MACROD2: variants seen among roughly 807,000 people sequenced by gnomAD.
MACROD2 encodes mono-ADP ribosylhydrolase 2.
MACROD2 carries 36 observed loss-of-function variants against 70.4 expected under a neutral mutation model. The ratio of observed to expected loss-of-function variants is 0.51; its 90% CI spans 0.39 to 0.68. The LOEUF is 0.68. Ranked by LOEUF, MACROD2 falls within the 30% of genes least tolerant of loss-of-function variation. The probability of loss-of-function intolerance (pLI) is 0.00; values close to 1 mark genes in which losing one functional copy is unlikely to be tolerated. For synonymous variants in MACROD2, 172 were observed against 178.8 expected, an observed-to-expected ratio of 0.96 and a Z score of 0.30; for missense variants, 496 against 538.4, an observed-to-expected ratio of 0.92 and a Z score of 0.78.
chr20:15,276,789 A>T (rs2077397486), intron 6 of MACROD2, among the ~76,000 whole-genome samples: 1 of 152,376 alleles, frequency 6.6e-6, no homozygotes, highest in South Asian at 2.1e-4. Context: ...AGAAGAGGTG[A>T]TGGAAGACAA....
chr20:14,532,282 A>G (rs1445339021), intron 4 of MACROD2, among the ~76,000 whole-genome samples: 1 of 147,666 alleles, frequency 6.8e-6, no homozygotes, highest in African/African-American at 2.5e-5. Flanking sequence ...GCAATGGCGC[A>G]ATCTCGGCTC....
At chr20:15,119,301 GCTT>G (rs1371966155) in intron 5 of MACROD2, among the ~76,000 whole-genome samples, 4 of 152,090 alleles carry the variant, frequency 2.6e-5, no homozygotes, top group African/African-American at 9.7e-5. Context: ...GTTTTTGTCA[GCTT>G]CTTCTGCTTT....
At chr20:15,838,665 C>G (rs1156986205) in intron 8 of MACROD2, among the ~76,000 whole-genome samples, 1 of 152,132 alleles carries the variant, frequency 6.6e-6, no homozygotes, top group Non-Finnish European at 1.5e-5. Flanking sequence ...CGGTAGAGCA[C>G]AGCTAGATTT....
chr20:15,307,405 A>T (rs1182036649), intron 6 of MACROD2, among the ~76,000 whole-genome samples: 2 of 152,170 alleles, frequency 1.3e-5, no homozygotes, highest in African/African-American at 4.8e-5. Flanking sequence ...AGTGCAAATA[A>T]TTCCCATTTC....
chr20:14,993,421 A>G (rs2074923254), intron 5 of MACROD2, among the ~76,000 whole-genome samples: 1 of 152,132 alleles, frequency 6.6e-6, no homozygotes, highest in African/African-American at 2.4e-5. Context: ...ATATGAGAAT[A>G]TACATTCTCT....
In MACROD2 at chr20:14,017,667, C is replaced by T. The variant is rs995491524; in HGVS notation, c.163+15263C>T. ...TCTGGGAGTAAATCACACTTGGTCA[C>T]GTTGTGTATTCCTTTTAAGATGCTG... On this transcript the variant is annotated intron_variant, in intron 2 of 17. Coordinates refer to ENST00000684519, the MANE Select transcript of MACROD2 (RefSeq NM_001351661.2). Among the ~76,000 whole-genome samples the T allele has an allele frequency of 5.3e-5, 8 of 152,004 alleles. No individual in the cohort carries two copies. In the South Asian group the frequency reaches 6.2e-4, roughly 12 times the overall value.
chr20:14,680,146 G>T (rs755049883), intron 4 of MACROD2, among the ~76,000 whole-genome samples: 1 of 152,138 alleles, frequency 6.6e-6, no homozygotes, highest in Non-Finnish European at 1.5e-5. Context: ...GAATTAAGGA[G>T]GAGATGCCAG....
intron 8 of MACROD2, among the ~76,000 whole-genome samples, chr20:15,741,960 C>CT (rs1045891322): frequency 7.2e-4 from 109 of 152,194 alleles, no homozygotes; most frequent in African/African-American, 2.5e-3. Context: ...TTGCCTTGAG[C>CT]CCTCATACTT....
intron 8 of MACROD2, among the ~76,000 whole-genome samples, chr20:15,505,842 C>G (rs1384718563): frequency 6.6e-6 from 1 of 152,124 alleles, no homozygotes; most frequent in East Asian, 1.9e-4. Flanking sequence ...TCTCTCCTCG[C>G]GTACAAGGTT....
intron 5 of MACROD2, among the ~76,000 whole-genome samples, chr20:14,838,490 A>T (rs1420694191): frequency 6.6e-6 from 1 of 152,124 alleles, no homozygotes; most frequent in Admixed American, 6.5e-5. Context: ...AGCAACTGTA[A>T]TACCTACAAG....
At chr20:15,327,269 C>T (rs902467044) in intron 6 of MACROD2, among the ~76,000 whole-genome samples, 7 of 152,084 alleles carry the variant, frequency 4.6e-5, no homozygotes, top group African/African-American at 1.7e-4. Context: ...AAGAATATTC[C>T]CTTTTTCTGG....
intron 8 of MACROD2, among the ~76,000 whole-genome samples, chr20:15,706,747 A>G (rs2050538375): frequency 6.6e-6 from 1 of 152,236 alleles, no homozygotes; most frequent in Non-Finnish European, 1.5e-5. Flanking sequence ...CCAGTCCTTC[A>G]TGTCAATCAA....
intron 8 of MACROD2, among the ~76,000 whole-genome samples, chr20:15,599,529 A>G (rs1042055303): frequency 6.6e-6 from 1 of 152,172 alleles, no homozygotes; most frequent in African/African-American, 2.4e-5. Context: ...GAAAACTTCC[A>G]GCCGTGTGGT....
intron 10 of MACROD2, among the ~76,000 whole-genome samples, chr20:15,927,110 A>G (rs1162498559): frequency 6.6e-6 from 1 of 152,310 alleles, no homozygotes; most frequent in East Asian, 1.9e-4. Context: ...TCAAAGACAC[A>G]TGAAATGTTT....
At chr20:14,469,619 C>A (rs1318783809) in intron 3 of MACROD2, among the ~76,000 whole-genome samples, 1 of 151,910 alleles carries the variant, frequency 6.6e-6, no homozygotes, top group East Asian at 1.9e-4. Flanking sequence ...AGGCTCTGTT[C>A]ATTCCTTTTC....
At chr20:14,579,298 C>T (rs1473274246) in intron 4 of MACROD2, among the ~76,000 whole-genome samples, 1 of 151,270 alleles carries the variant, frequency 6.6e-6, no homozygotes, top group African/African-American at 2.4e-5. Context: ...CCCGCCACCG[C>T]GCCCGGCTAA....
At chr20:15,595,358 G>T (rs184891523) in intron 8 of MACROD2, among the ~76,000 whole-genome samples, 4 of 152,214 alleles carry the variant, frequency 2.6e-5, no homozygotes, top group Admixed American at 2.6e-4. Flanking sequence ...TTATAGCACA[G>T]GAATAAACTT....
At chr20:14,427,996 A>T (rs1045264554) in intron 3 of MACROD2, among the ~76,000 whole-genome samples, 1 of 152,180 alleles carries the variant, frequency 6.6e-6, no homozygotes, top group Admixed American at 6.5e-5. Flanking sequence ...CATAATTTCT[A>T]CCATAGTAAT....
chr20:14,084,182 G>A (rs886253585), intron 2 of MACROD2, among the ~76,000 whole-genome samples: 2 of 151,122 alleles, frequency 1.3e-5, no homozygotes, highest in Admixed American at 6.6e-5. Flanking sequence ...TTCTAGTCTT[G>A]GCCAAATTTT....
Sources: allele counts gnomAD v4.1 joint callset (sites outside exome capture counted in the v4.1 genomes callset), GRCh38; gene constraint gnomAD v4.1.1; transcripts MANE v1.5; gene names NCBI Gene and HGNC (gene_info 2026-07-23, HGNC 2026-07-21).